Variants in CLDN2 observed in about 807,000 individuals in gnomAD.
CLDN2 encodes the protein claudin-2.
Under a neutral mutation model 8.2 loss-of-function variants are expected in CLDN2, and 1 was observed. The ratio of observed to expected loss-of-function variants is 0.12; its 90% CI spans 0.04 to 0.58. CLDN2 has a LOEUF of 0.58. Among genes scored for constraint, CLDN2 ranks in the 20% least tolerant of loss-of-function variants. CLDN2 has a pLI of 0.90. For synonymous variants in CLDN2, 70 were observed against 70.2 expected (o/e 1.00, Z 0.01); for missense variants, 108 against 172.9 (o/e 0.62, Z 2.11).
intron 1 of CLDN2, among the ~76,000 whole-genome samples, chrX:106,906,400 T>C (rs1261921355): frequency 9.0e-6 from 1 of 111,136 alleles, no homozygotes; most frequent in African/African-American, 3.3e-5. Flanking sequence ...TCAATCTCAG[T>C]TGACCCCAGC....
chrX:106,902,161 C>G, intron 1 of CLDN2: 1 of 1,194,967 alleles, frequency 8.4e-7, no homozygotes, highest in Non-Finnish European at 1.1e-6. Flanking sequence ...GCTTCCTCAT[C>G]TGCCTTGGGG....
At chrX:106,901,666 C>A in intron 1 of CLDN2, 1 of 626,680 alleles carries the variant, frequency 1.6e-6, no homozygotes. Flanking sequence ...TGGGACCCAG[C>A]AACCCCCAAT....
chrX:106,900,666 G>A (rs1168466121), intron 1 of CLDN2: 1 of 1,126,195 alleles, frequency 8.9e-7, no homozygotes, highest in South Asian at 2.2e-5. Flanking sequence ...GGTTAGGGGT[G>A]AGGAAGGGGG....
chrX:106,919,035 C>A (rs1376571290), upstream of CLDN2, among the ~76,000 whole-genome samples: 3 of 112,126 alleles, frequency 2.7e-5, no homozygotes, highest in Non-Finnish European at 5.6e-5. Context: ...AATAACAAAA[C>A]GTCTAGTAGT....
rs532176855 is a variant in CLDN2 at position 106,909,600 on chromosome X, G to A, written c.-179+9096G>A. 6.1e-4 allele frequency among the ~76,000 whole-genome samples: 68 copies of A among 112,147 alleles called. No individual in the cohort carries two copies. The South Asian group carries it at 0.014, about 23-fold the overall frequency. On this transcript the variant is annotated intron_variant, in intron 1 of 1. Coordinates refer to the CLDN2 transcript ENST00000541806. ...CAGTGAGGGTGCCCAGTGGAGGCCC[G>A]AAGTAATACAGGGTCTGCTCTGAAA... is the stretch of plus-strand genomic sequence containing the variant.
chrX:106,907,289 A>G (rs1933191524), intron 1 of CLDN2, among the ~76,000 whole-genome samples: 1 of 112,053 alleles, frequency 8.9e-6, no homozygotes, highest in Non-Finnish European at 1.9e-5. Flanking sequence ...CCATTCCTTG[A>G]ATCAGTAGTT....
Position 106,928,670 on chromosome X carries a change from T to C in CLDN2, c.442T>C (p.Tyr148His). The C allele has an allele frequency of 8.3e-7, 1 of 1,211,815 alleles. No individual in the cohort carries two copies. The highest frequency in any genetic ancestry group is 1.1e-6 in the Non-Finnish European group (1 of 895,372). The change falls in exon 2 of 2, where the codon TAC becomes CAC. Residue 148 changes from tyrosine to histidine, a missense_variant. Tyr to His is a moderately conservative substitution (Grantham distance 83). This residue lies in a region of CLDN2 where 81 missense variants were observed against 100.8 expected (regional missense o/e 0.80). Transcript: ENST00000336803. ...WNLHGILRDF[Y>H]SPLVPDSMKF... Reference sequence around the variant, plus strand: ...TCTTCATGGGATCCTACGGGACTTCTACTCACCACTGGTGCCTGACAGCAT... The same window carrying C: ...TCTTCATGGGATCCTACGGGACTTCCACTCACCACTGGTGCCTGACAGCAT...
intron 1 of CLDN2, chrX:106,900,569 G>A: frequency 4.7e-6 from 4 of 849,847 alleles, no homozygotes; most frequent in Non-Finnish European, 6.3e-6. Context: ...CTATCTGCTG[G>A]ACTAATACTT....
At chrX:106,902,026 G>T in intron 1 of CLDN2, 1 of 551,874 alleles carries the variant, frequency 1.8e-6, no homozygotes, top group Non-Finnish European at 3.0e-6. Context: ...CTGTGAGGAT[G>T]CTATCTCAGA....
intron 1 of CLDN2, among the ~76,000 whole-genome samples, chrX:106,909,235 C>G (rs991008638): frequency 2.1e-4 from 23 of 112,169 alleles, no homozygotes; most frequent in Admixed American, 7.5e-4. Flanking sequence ...GAGGAAGATA[C>G]TATTAAAAGC....
chrX:106,914,667 T>A (rs1047690391), upstream of CLDN2, among the ~76,000 whole-genome samples: 6 of 111,733 alleles, frequency 5.4e-5, no homozygotes, highest in Non-Finnish European at 9.4e-5. Context: ...ATTATTTATG[T>A]TATAATGTAA....
upstream of CLDN2, chrX:106,918,265 A>G (rs778811041): frequency 8.9e-6 from 1 of 112,030 alleles, no homozygotes; most frequent in African/African-American, 3.2e-5. Flanking sequence ...GGCTTGCCTG[A>G]GGTCACATAG....
chrX:106,918,760 G>A (rs1271820841), upstream of CLDN2, among the ~76,000 whole-genome samples: 1 of 111,575 alleles, frequency 9.0e-6, no homozygotes, highest in Non-Finnish European at 1.9e-5. Flanking sequence ...GAGGGAGTTG[G>A]TGTTGTACAC....
chrX:106,923,607 A>G (rs1933425331), intron 1 of CLDN2, among the ~76,000 whole-genome samples: 1 of 111,417 alleles, frequency 9.0e-6, no homozygotes, highest in Non-Finnish European at 1.9e-5. Context: ...TGGGTTATTA[A>G]CTCAGTGACA....
At chrX:106,909,165 C>T (rs1035137694) in intron 1 of CLDN2, among the ~76,000 whole-genome samples, 4 of 112,159 alleles carry the variant, frequency 3.6e-5, no homozygotes, top group African/African-American at 6.5e-5. Flanking sequence ...AACATTTATA[C>T]GCCAGGCATT....
chrX:106,929,016 G>A lies in CLDN2; in HGVS notation c.*95G>A, dbSNP rs1016465854. The A allele has an allele frequency of 3.0e-5, 22 of 723,403 alleles. No individual in the cohort carries two copies. The highest frequency in any genetic ancestry group is 2.0e-4 in the East Asian group (6 of 29,927). The allele number at this position is 723,403 out of a possible 1,213,427, so 59.6% of individuals were successfully genotyped here. On this transcript the variant is annotated 3_prime_UTR_variant, in exon 2 of 2. Transcript: ENST00000336803. Reference sequence around the variant, plus strand: ...AGGTGAGGGACACTACCACTGGATCGTGTCAGAAGGTGCTGCTGAGGATAG... The same window carrying A: ...AGGTGAGGGACACTACCACTGGATCATGTCAGAAGGTGCTGCTGAGGATAG...
chrX:106,914,609 T>C (rs1933289864), upstream of CLDN2, among the ~76,000 whole-genome samples: 1 of 111,840 alleles, frequency 8.9e-6, no homozygotes, highest in African/African-American at 3.2e-5. Flanking sequence ...ATAATGCCAC[T>C]TTCTTGCCAT....
chrX:106,900,483 C>T, exon 1 of CLDN2: 1 of 319,502 alleles, frequency 3.1e-6, no homozygotes, highest in South Asian at 6.8e-5. Context: ...ATGCAAGAGG[C>T]CTGAGCTCAC....
At chrX:106,908,149 T>A (rs1328788487) in intron 1 of CLDN2, among the ~76,000 whole-genome samples, 1 of 111,825 alleles carries the variant, frequency 8.9e-6, no homozygotes. Flanking sequence ...CCCAGTTGTT[T>A]CTTAAATTAT....
Sources: gnomAD v4.1 joint callset for allele counts (sites outside exome capture counted in the v4.1 genomes callset) on GRCh38, gnomAD v4.1.1 for gene constraint, gnomAD v4.1.1 regional missense constraint, MANE v1.5 for transcripts, NCBI Gene and HGNC (gene_info 2026-07-23, HGNC 2026-07-21) for gene names.